The following GIT2 variants were observed in gnomAD, a reference collection of about 807,000 sequenced individuals.
The protein encoded by GIT2 is GIT ArfGAP 2.
In GIT2, 32 loss-of-function variants were observed where a neutral mutation model predicts 100.3. The ratio of observed to expected loss-of-function variants is 0.32; its 90% CI spans 0.24 to 0.43. The LOEUF is 0.43. Among genes scored for constraint, GIT2 ranks in the 20% least tolerant of loss-of-function variants. The pLI is 1.00. For synonymous variants in GIT2, 353 were observed against 364.1 expected (o/e 0.97, Z 0.35); for missense variants, 737 against 975.1 (o/e 0.76, Z 3.25).
intron 4 of GIT2, among the ~76,000 whole-genome samples, chr12:109,984,168 G>T (rs1886884929): frequency 6.6e-6 from 1 of 152,074 alleles, no homozygotes; most frequent in African/African-American, 2.4e-5. Context: ...CCAGCACTTT[G>T]GGGGGCTGAG....
chr12:109,942,810 A>T (rs1162355952), intron 16 of GIT2: 1 of 152,266 alleles, frequency 6.6e-6, no homozygotes, highest in Non-Finnish European at 1.5e-5. Context: ...AACAACATAT[A>T]GCAGCAACCA....
intron 2 of GIT2, among the ~76,000 whole-genome samples, chr12:109,991,078 G>A (rs1230930356): frequency 6.6e-6 from 1 of 152,222 alleles, no homozygotes; most frequent in Non-Finnish European, 1.5e-5. Context: ...GAGAGAGGTT[G>A]AGGTGTGGAT....
At chr12:109,965,665 A>T (rs1882154740) in intron 8 of GIT2, 88 bp from the exon 9 acceptor site, 1 of 884,338 alleles carries the variant, frequency 1.1e-6, no homozygotes, top group East Asian at 2.4e-5. Context: ...AGATAAAAAT[A>T]TTAATTACAG....
rs779285843 is a variant in GIT2 at position 109,933,045 on chromosome 12, C to T, written c.2213G>A (p.Cys738Tyr). ...VQLVTQQVIQ[C>Y]AYDIAKAAKQ... is the part of the protein sequence containing the mutation. ...GGCAGCCTTGGCGATGTCGTACGCA[C>T]ACTGGATGACCTGCTGCGTGACCAG... Residue 738 changes from cysteine to tyrosine, a missense_variant, in exon 20 of 20, where the codon TGT becomes TAT. Cys to Tyr is a radical substitution (Grantham distance 194). Transcript: ENST00000355312. This position sits in a 1 kb window ranked among gnomAD's most constrained non-coding sequence, Gnocchi z 4.5. 1 of 1,613,618 alleles carries T rather than the reference C, an allele frequency of 6.2e-7. No individual in the cohort carries two copies. Among genetic ancestry groups the T allele is most frequent in the Non-Finnish European group, 8.5e-7 (1 of 1,179,524 alleles).
At chr12:109,945,414 C>T in intron 15 of GIT2, 65 bp from the exon 16 acceptor site, 2 of 794,886 alleles carry the variant, frequency 2.5e-6, no homozygotes, top group African/African-American at 1.7e-5. Flanking sequence ...ACCACCTTGC[C>T]AGCTTCAGTA....
chr12:109,952,197 T>C (rs900431137), intron 13 of GIT2, among the ~76,000 whole-genome samples: 6 of 152,216 alleles, frequency 3.9e-5, no homozygotes, highest in African/African-American at 1.4e-4. Context: ...TTCCGACTTA[T>C]TGCCAAGACT....
At chr12:109,989,614 C>A in intron 3 of GIT2, 76 bp downstream of exon 3, 6 of 852,230 alleles carry the variant, frequency 7.0e-6, no homozygotes, top group Non-Finnish European at 1.2e-5. Flanking sequence ...GGAGACTGAC[C>A]AAAAATAGCT....
rs369009991 is a variant in GIT2 at position 109,985,575 on chromosome 12, C to T, written c.406-1881G>A. Among the ~76,000 whole-genome samples the T allele has an allele frequency of 3.9e-4, 59 of 151,998 alleles. 1 individual carries two copies. In the South Asian group the frequency reaches 0.011, roughly 27 times the overall value. ...TCCAAAAAGTCAAAAACTGGCCAGG[C>T]GCGGTGGCTCATGCCTGTAATCCCA... On this transcript the variant is annotated intron_variant, in intron 4 of 19. Coordinates refer to ENST00000355312, the MANE Select transcript of GIT2 (RefSeq NM_057169.5).
At position 109,962,181 on chromosome 12, in the gene GIT2, T is replaced by C. The variant is rs1881259194; in HGVS notation, c.817-496A>G. ...CAGCCTGGGCAACATGGTGAAACCCTGCCTCTACAGAAAATACAAAAACTA... is the reference window on the plus strand; with the variant it reads ...CAGCCTGGGCAACATGGTGAAACCCCGCCTCTACAGAAAATACAAAAACTA... On this transcript the variant is annotated intron_variant, in intron 9 of 19. Coordinates refer to ENST00000355312, the MANE Select transcript of GIT2 (RefSeq NM_057169.5). This position sits in a 1 kb window ranked among gnomAD's most constrained non-coding sequence, Gnocchi z 4.3. Among the ~76,000 whole-genome samples the C allele has an allele frequency of 2.0e-5, 3 of 152,052 alleles. No individual in the cohort carries two copies. Among genetic ancestry groups the C allele is most frequent in the Admixed American group, 6.6e-5 (1 of 15,244 alleles).
upstream of GIT2, chr12:109,997,378 A>G (rs76714189): frequency 6.6e-6 from 1 of 152,142 alleles, no homozygotes; most frequent in Non-Finnish European, 1.5e-5. Flanking sequence ...GACTGTCTCA[A>G]AAACAACTTC....
At chr12:109,965,681 G>A in intron 8 of GIT2, 104 bp from the exon 9 acceptor site, 1 of 847,272 alleles carries the variant, frequency 1.2e-6, no homozygotes, top group Non-Finnish European at 2.0e-6. Flanking sequence ...TACAGTTCAT[G>A]GACCATGTTA....
intron 7 of GIT2, among the ~76,000 whole-genome samples, chr12:109,976,351 C>T (rs1370642023): frequency 6.9e-6 from 1 of 144,476 alleles, no homozygotes; most frequent in Non-Finnish European, 1.5e-5. Context: ...GTGGTGCAAT[C>T]TCAGCTCACT....
At position 109,945,287 on chromosome 12, in the gene GIT2, G is replaced by C. The variant is rs1876013047; in HGVS notation, c.1704C>G (p.Ser568=). ...SSLPSFPSTL[S]WSRDESARRA... is the part of the protein sequence containing the mutation. Reference sequence around the variant, plus strand: ...TTCGGGCGCTTTCGTCCCTCGACCAGGAAAGTGTGGAGGGGAAGGAAGGCA... The same window carrying C: ...TTCGGGCGCTTTCGTCCCTCGACCACGAAAGTGTGGAGGGGAAGGAAGGCA... The change falls in exon 16 of 20, where the codon TCC becomes TCG. Residue 568 remains serine, a synonymous_variant. Coordinates refer to ENST00000355312, the MANE Select transcript of GIT2 (RefSeq NM_057169.5). The C allele has an allele frequency of 1.9e-6, 3 of 1,576,468 alleles. No homozygotes were observed. Among genetic ancestry groups the C allele is most frequent in the Non-Finnish European group, 2.6e-6 (3 of 1,145,922 alleles).
upstream of GIT2, chr12:109,999,685 C>T (rs1322417894): frequency 6.5e-7 from 1 of 1,532,668 alleles, no homozygotes; most frequent in Non-Finnish European, 8.8e-7. The surrounding 1 kb of genome is among the most constrained non-coding windows in gnomAD (Gnocchi z 4.3). Context: ...ACGGCCTCCT[C>T]GCCATGTCCT....
intron 7 of GIT2, among the ~76,000 whole-genome samples, chr12:109,969,162 CTTTTTTT>C (rs71079595): frequency 4.5e-5 from 4 of 89,132 alleles, no homozygotes; most frequent in South Asian, 4.3e-4. Context: ...AAAACTTTTC[CTTTTTTT>C]TTTTTTTTTT....
intron 8 of GIT2, among the ~76,000 whole-genome samples, chr12:109,965,927 C>T (rs532747082): frequency 2.7e-5 from 4 of 150,592 alleles, no homozygotes; most frequent in South Asian, 4.2e-4. Flanking sequence ...ATGTCGGGCT[C>T]GATGGCTCCC....
Position 109,934,688 on chromosome 12 carries a change from A to G in GIT2, c.2004-603T>C, listed in dbSNP as rs1450231867. 2.6e-5 allele frequency among the ~76,000 whole-genome samples: 4 copies of G among 152,154 alleles called. No homozygotes were observed. Among genetic ancestry groups the G allele is most frequent in the South Asian group, 4.1e-4 (2 of 4,824 alleles). ...AGCCACGGTGTCCAGCCCTTTCCCC[A>G]TTTTTTAAACCATGAAGTTGGCTTC... is the stretch of plus-strand genomic sequence containing the variant. On this transcript the variant is annotated intron_variant, in intron 18 of 19. Coordinates refer to ENST00000355312, the MANE Select transcript of GIT2 (RefSeq NM_057169.5). This position sits in a 1 kb window ranked among gnomAD's most constrained non-coding sequence, Gnocchi z 4.5.
chr12:109,983,715 A>G (rs1227893327), intron 4 of GIT2, 21 bp from the exon 5 acceptor site: 1 of 1,552,526 alleles, frequency 6.4e-7, no homozygotes. Context: ...CAGAAACAAA[A>G]AAGGAATCGT....
intron 12 of GIT2, among the ~76,000 whole-genome samples, chr12:109,957,277 G>A (rs1879739873): frequency 6.6e-6 from 1 of 151,918 alleles, no homozygotes; most frequent in African/African-American, 2.4e-5. Context: ...CTCCCTCCTC[G>A]CTCTCTTGCT....
Sources: gnomAD v4.1 joint callset for allele counts (sites outside exome capture counted in the v4.1 genomes callset) on GRCh38, gnomAD v4.1.1 for gene constraint, Gnocchi (gnomAD v3.1) non-coding constraint, MANE v1.5 for transcripts, NCBI Gene and HGNC (gene_info 2026-07-23, HGNC 2026-07-21) for gene names.